The following CACNB2 variants were observed in gnomAD, a reference collection of about 807,000 sequenced individuals.
The protein encoded by CACNB2 is voltage-dependent L-type calcium channel subunit beta-2.
In CACNB2, 42 loss-of-function variants were observed where a neutral mutation model predicts 73.3. That is an observed-to-expected ratio of 0.57 (90% CI 0.45 to 0.74). CACNB2 has a LOEUF of 0.74. Ranked by LOEUF, CACNB2 falls within the 30% of genes least tolerant of loss-of-function variation. The pLI, the probability that CACNB2 is intolerant of heterozygous loss-of-function variation, is 0.00. For missense variants in CACNB2, 940 were observed against 853.0 expected, an observed-to-expected ratio of 1.10 and a Z score of -1.27; for synonymous variants, 348 against 310.3, an observed-to-expected ratio of 1.12 and a Z score of -1.28.
At chr10:18,196,577 C>T (rs1285508469) in intron 2 of CACNB2, among the ~76,000 whole-genome samples, 1 of 152,138 alleles carries the variant, frequency 6.6e-6, no homozygotes, top group Non-Finnish European at 1.5e-5. Flanking sequence ...CTCAACCTCC[C>T]GAAGTGATGG....
rs1047194049 is a variant in CACNB2 at position 18,524,695 on chromosome 10, T to G, written c.945-2893T>G. ...AAAAAATTGAGCAAATAAAAAGTTG[T>G]TTATCTCATGGAAACCACGAGGAAA... On this transcript the variant is annotated intron_variant, in intron 9 of 13. Coordinates refer to ENST00000324631, the MANE Select transcript of CACNB2 (RefSeq NM_201596.3). 7.8e-4 allele frequency among the ~76,000 whole-genome samples: 117 copies of G among 150,076 alleles called. 2 individuals carry two copies. The highest frequency in any genetic ancestry group is 2.7e-3 in the African/African-American group (109 of 40,828).
At chr10:18,390,065 C>T (rs1292966106) in intron 2 of CACNB2, among the ~76,000 whole-genome samples, 1 of 152,146 alleles carries the variant, frequency 6.6e-6, no homozygotes, top group Non-Finnish European at 1.5e-5. Context: ...CTGGAGAACA[C>T]AGAAGTTAGC....
At chr10:18,350,159 C>T (rs1397489036) in intron 2 of CACNB2, among the ~76,000 whole-genome samples, 1 of 152,072 alleles carries the variant, frequency 6.6e-6, no homozygotes, top group African/African-American at 2.4e-5. Flanking sequence ...GCAGGAGAAT[C>T]GCTTGAACCC....
At chr10:18,403,515 G>A (rs771674149) in intron 3 of CACNB2, among the ~76,000 whole-genome samples, 6 of 152,026 alleles carry the variant, frequency 3.9e-5, no homozygotes, top group Non-Finnish European at 5.9e-5. Context: ...ACAGTTTCTC[G>A]GGCTTATATG....
chr10:18,467,869 TCTC>T (rs2047982835), intron 3 of CACNB2, among the ~76,000 whole-genome samples: 1 of 152,216 alleles, frequency 6.6e-6, no homozygotes, highest in South Asian at 2.1e-4. Flanking sequence ...TGTAAGCCTG[TCTC>T]CTCTACAAGA....
At chr10:18,216,526 T>C (rs1003568724) in intron 2 of CACNB2, among the ~76,000 whole-genome samples, 1 of 152,216 alleles carries the variant, frequency 6.6e-6, no homozygotes, top group African/African-American at 2.4e-5. Flanking sequence ...TCATTAGATA[T>C]GGCAGTAATA....
intron 2 of CACNB2, among the ~76,000 whole-genome samples, chr10:18,366,269 T>A (rs1285139158): frequency 6.6e-6 from 1 of 150,572 alleles, no homozygotes; most frequent in South Asian, 2.1e-4. Context: ...TTCGAGACCA[T>A]CCTGGCTAAC....
intron 3 of CACNB2, among the ~76,000 whole-genome samples, chr10:18,438,138 C>A (rs2046235345): frequency 6.8e-6 from 1 of 147,616 alleles, no homozygotes; most frequent in African/African-American, 2.5e-5. Context: ...CTGCCTCAGC[C>A]TCCTGAGTAG....
intron 2 of CACNB2, among the ~76,000 whole-genome samples, chr10:18,170,455 T>C (rs758035938): frequency 1.3e-5 from 2 of 152,222 alleles, no homozygotes; most frequent in Non-Finnish European, 2.9e-5. Context: ...GGATTCCTGA[T>C]GGCATTGAGA....
chr10:18,150,880 T>TTTTTTTTTTTTTTTTTTTTGA lies in CACNB2; in HGVS notation c.121-3_121-2insTTTTTTTTTTTTTTTTTTTGA. On this transcript the variant is annotated splice_polypyrimidine_tract_variant and splice_region_variant and intron_variant, in intron 1 of 13. Transcript: ENST00000324631. ...CTTTTTTTTTTTTTTTTTTTTTTTT[T>TTTTTTTTTTTTTTTTTTTTGA]AGTCATATGGAAAAGGAGCCAGAAG... The TTTTTTTTTTTTTTTTTTTTGA allele has an allele frequency of 7.7e-7, 1 of 1,300,366 alleles. No homozygotes were observed. The highest frequency in any genetic ancestry group is 1.1e-6 in the Non-Finnish European group (1 of 943,298). The allele number at this position is 1,300,366 out of a possible 1,614,324, so 80.6% of individuals were successfully genotyped here.
intron 5 of CACNB2, among the ~76,000 whole-genome samples, chr10:18,502,660 C>T (rs1259970775): frequency 7.6e-6 from 1 of 131,046 alleles, no homozygotes; most frequent in Non-Finnish European, 1.6e-5. Flanking sequence ...CATTGCACTC[C>T]AGCCTGGCGA....
intron 2 of CACNB2, chr10:18,260,798 ACAG>A: frequency 2.0e-6 from 2 of 1,017,696 alleles, no homozygotes; most frequent in Non-Finnish European, 2.4e-6. Context: ...AGTCACATAA[ACAG>A]CAGCAGGAGT....
chr10:18,175,932 A>G (rs566336540), intron 2 of CACNB2, among the ~76,000 whole-genome samples: 1 of 152,222 alleles, frequency 6.6e-6, no homozygotes, highest in East Asian at 1.9e-4. Context: ...TTTCCCCTAG[A>G]ATTACTGTGG....
intron 3 of CACNB2, among the ~76,000 whole-genome samples, chr10:18,426,955 AT>A (rs551543429): frequency 5.5e-4 from 45 of 81,674 alleles, no homozygotes; most frequent in Admixed American, 1.4e-3. Context: ...CCTTTTCTAC[AT>A]TTTTTTTTTT....
At chr10:18,233,337 C>T (rs1301729045) in intron 2 of CACNB2, among the ~76,000 whole-genome samples, 1 of 152,030 alleles carries the variant, frequency 6.6e-6, no homozygotes, top group Non-Finnish European at 1.5e-5. Flanking sequence ...AGCCACGAGC[C>T]ATATTGCCAC....
At chr10:18,401,239 C>G (rs2043980019) in intron 2 of CACNB2, 5 of 1,048,170 alleles carry the variant, frequency 4.8e-6, no homozygotes, top group Non-Finnish European at 1.4e-6. Flanking sequence ...TAGGGAGATT[C>G]CTCTCATTTT....
At chr10:18,501,950 G>A (rs2133043648) in intron 5 of CACNB2, among the ~76,000 whole-genome samples, 1 of 152,228 alleles carries the variant, frequency 6.6e-6, no homozygotes, top group Admixed American at 6.5e-5. Context: ...TAATTCCTGG[G>A]TTATTGAGAG....
intron 2 of CACNB2, among the ~76,000 whole-genome samples, chr10:18,197,289 G>A (rs1204196421): frequency 2.0e-5 from 3 of 151,776 alleles, no homozygotes; most frequent in Non-Finnish European, 4.4e-5. Flanking sequence ...CTAGCTCTTG[G>A]CCTATAACCT....
At chr10:18,210,149 G>A (rs148527087) in intron 2 of CACNB2, among the ~76,000 whole-genome samples, 27 of 152,280 alleles carry the variant, frequency 1.8e-4, no homozygotes, top group East Asian at 5.8e-4. Flanking sequence ...ACTTGGGAGC[G>A]TGGCAGGACA....
Sources: gnomAD v4.1 joint callset for allele counts (sites outside exome capture counted in the v4.1 genomes callset) on GRCh38, gnomAD v4.1.1 for gene constraint, MANE v1.5 for transcripts, NCBI Gene and HGNC (gene_info 2026-07-23, HGNC 2026-07-21) for gene names.